The following EYS variants were observed in gnomAD, a reference collection of about 807,000 sequenced individuals.
The protein encoded by EYS is EGF-like photoreceptor maintenance factor.
A neutral mutation model predicts 282.1 loss-of-function variants in EYS; 250 were observed. That is an observed-to-expected ratio of 0.89 (90% CI 0.80 to 0.98). The LOEUF (loss-of-function observed/expected upper bound fraction) is 0.98, where lower values mean the gene tolerates loss of function less well. EYS is among the 50% of genes least tolerant of loss of function. The pLI, the probability that EYS is intolerant of heterozygous loss-of-function variation, is 0.00. For missense variants in EYS, 4,016 were observed against 3,709.0 expected (o/e 1.08, Z -2.15); for synonymous variants, 1,355 against 1,282.9 (o/e 1.06, Z -1.20).
At chr6:64,139,465 TA>T (rs1245695415) in intron 31 of EYS, among the ~76,000 whole-genome samples, 1 of 152,022 alleles carries the variant, frequency 6.6e-6, no homozygotes, top group Non-Finnish European at 1.5e-5. Flanking sequence ...AATATTTTTT[TA>T]AAAAAAGAAT....
chr6:65,578,618 ATAAG>A (rs1764761763), intron 2 of EYS, among the ~76,000 whole-genome samples: 1 of 151,982 alleles, frequency 6.6e-6, no homozygotes, highest in Non-Finnish European at 1.5e-5. Flanking sequence ...AAAAAAAATG[ATAAG>A]TGTGTGAGGT....
chr6:63,777,934 G>A (rs1454387431), intron 40 of EYS, 72 bp downstream of exon 40: 16 of 1,325,022 alleles, frequency 1.2e-5, no homozygotes, highest in Non-Finnish European at 1.7e-5. Flanking sequence ...TGTACAAGTG[G>A]AATGACAGAG....
chr6:63,737,648 G>A (rs922101107), intron 41 of EYS, among the ~76,000 whole-genome samples: 7 of 152,164 alleles, frequency 4.6e-5, no homozygotes, highest in African/African-American at 1.7e-4. Context: ...GATTGGAATA[G>A]TTTCAGAAGG....
At chr6:65,523,134 T>A (rs7764562) in intron 2 of EYS, among the ~76,000 whole-genome samples, 11,740 of 152,176 alleles carry the variant, frequency 0.077, 1,365 homozygotes, top group African/African-American at 0.25. Flanking sequence ...ATGATTTTTT[T>A]AAATGTCTAT....
chr6:65,130,577 A>C (rs1224588634), intron 12 of EYS, among the ~76,000 whole-genome samples: 1 of 151,912 alleles, frequency 6.6e-6, no homozygotes, highest in Non-Finnish European at 1.5e-5. Context: ...GCATATTGTC[A>C]CTTATAAGTG....
intron 39 of EYS, among the ~76,000 whole-genome samples, chr6:63,782,795 T>G (rs1268134350): frequency 6.6e-6 from 1 of 152,176 alleles, no homozygotes; most frequent in Admixed American, 6.5e-5. Flanking sequence ...TCTGCTAGTG[T>G]TTGAATGTGT....
intron 31 of EYS, among the ~76,000 whole-genome samples, chr6:64,226,911 A>G (rs1438345812): frequency 6.6e-6 from 1 of 152,054 alleles, no homozygotes; most frequent in Non-Finnish European, 1.5e-5. Context: ...GTTAAGGCCT[A>G]TACTTTAATT....
chr6:65,604,677 T>TGC (rs1312120275), intron 2 of EYS, among the ~76,000 whole-genome samples: 2 of 152,020 alleles, frequency 1.3e-5, no homozygotes, highest in East Asian at 3.9e-4. Context: ...CGCTGATTCC[T>TGC]GCAAAGTATT....
At chr6:64,681,611 C>T (rs113232937) in intron 22 of EYS, among the ~76,000 whole-genome samples, 17 of 152,202 alleles carry the variant, frequency 1.1e-4, no homozygotes, top group Non-Finnish European at 2.4e-4. Flanking sequence ...AAGTGATTCA[C>T]GGCCGGGCGC....
intron 24 of EYS, among the ~76,000 whole-genome samples, chr6:64,606,325 A>G (rs1184469371): frequency 1.3e-5 from 2 of 152,022 alleles, no homozygotes; most frequent in African/African-American, 2.4e-5. Flanking sequence ...AAGACTTGCT[A>G]CACTTGACCT....
At position 64,668,384 on chromosome 6, in the gene EYS, G is replaced by A. The variant is rs567826342; in HGVS notation, c.3444-42139C>T. 9.2e-5 allele frequency among the ~76,000 whole-genome samples: 14 copies of A among 152,176 alleles called. No individual in the cohort carries two copies. The South Asian group carries it at 2.9e-3, about 32-fold the overall frequency. ...ACTTCACAAAAAGGTCCCCTGCGGTGTAGACATTGGAAAAGGTCAAAATAA... is the reference window on the plus strand; with the variant it reads ...ACTTCACAAAAAGGTCCCCTGCGGTATAGACATTGGAAAAGGTCAAAATAA... On this transcript the variant is annotated intron_variant, in intron 22 of 42. Transcript: ENST00000503581.
intron 22 of EYS, among the ~76,000 whole-genome samples, chr6:64,717,641 C>T (rs1176761369): frequency 1.3e-5 from 2 of 152,094 alleles, no homozygotes; most frequent in African/African-American, 2.4e-5. Context: ...GAACTGGCAC[C>T]CCTAGTTTAA....
At chr6:64,689,108 G>A (rs1056125369) in intron 22 of EYS, among the ~76,000 whole-genome samples, 28 of 152,236 alleles carry the variant, frequency 1.8e-4, no homozygotes, top group African/African-American at 6.0e-4. Flanking sequence ...AAGCTGATAA[G>A]CAACTTCAGC....
intron 8 of EYS, among the ~76,000 whole-genome samples, chr6:65,364,706 C>T (rs1203446760): frequency 4.0e-5 from 6 of 151,502 alleles, no homozygotes; most frequent in Admixed American, 3.4e-4. Context: ...TAAAGTTCAG[C>T]TCCTTCTCCC....
chr6:63,971,154 G>A (rs1291217987), intron 35 of EYS, among the ~76,000 whole-genome samples: 1 of 152,182 alleles, frequency 6.6e-6, no homozygotes, highest in Non-Finnish European at 1.5e-5. Context: ...ACAGGCAATA[G>A]ATAGTCAAGC....
intron 29 of EYS, among the ~76,000 whole-genome samples, chr6:64,379,230 T>C (rs77864003): frequency 0.018 from 2,796 of 152,236 alleles, 32 homozygotes; most frequent in Non-Finnish European, 0.028. Flanking sequence ...ACTAGAAAAC[T>C]ATCTCCCAAA....
Position 64,929,753 on chromosome 6 carries a change from G to C in EYS, c.2381+16040C>G, listed in dbSNP as rs554596067. ...ATTTGTTAAACCTTGGGAACTGAGAGATATCATACATATCAACATATGTTG... is the reference window on the plus strand; with the variant it reads ...ATTTGTTAAACCTTGGGAACTGAGACATATCATACATATCAACATATGTTG... On this transcript the variant is annotated intron_variant, in intron 15 of 42. Transcript: ENST00000503581. Among the ~76,000 whole-genome samples, 3 of 152,196 alleles carry C rather than the reference G, an allele frequency of 2.0e-5. No homozygotes were observed. The South Asian group carries it at 6.2e-4, about 32-fold the overall frequency.
intron 13 of EYS, among the ~76,000 whole-genome samples, chr6:65,036,484 G>A (rs1486555174): frequency 1.3e-5 from 2 of 151,564 alleles, no homozygotes; most frequent in African/African-American, 2.4e-5. Context: ...CTGACAAATG[G>A]CACTTAATTA....
At chr6:65,338,570 T>C (rs1770080022) in intron 10 of EYS, among the ~76,000 whole-genome samples, 2 of 151,196 alleles carry the variant, frequency 1.3e-5, no homozygotes, top group Non-Finnish European at 1.5e-5. Flanking sequence ...ATATATTATG[T>C]ACATAAAATA....
Sources: allele counts gnomAD v4.1 joint callset (sites outside exome capture counted in the v4.1 genomes callset), GRCh38; gene constraint gnomAD v4.1.1; transcripts MANE v1.5; gene names NCBI Gene and HGNC (gene_info 2026-07-23, HGNC 2026-07-21).